CLTCL1: variants seen among roughly 807,000 people sequenced by gnomAD.
The protein encoded by CLTCL1 is clathrin heavy chain 2.
In CLTCL1, 159 loss-of-function variants were observed where a neutral mutation model predicts 190.0. That is an observed-to-expected ratio of 0.84 (90% CI 0.74 to 0.95). The LOEUF (loss-of-function observed/expected upper bound fraction) is 0.95, where lower values mean the gene tolerates loss of function less well. Ranked by LOEUF, CLTCL1 falls within the 40% of genes least tolerant of loss-of-function variation. The pLI, the probability that CLTCL1 is intolerant of heterozygous loss-of-function variation, is 0.00. For synonymous variants in CLTCL1, 752 were observed against 769.6 expected (o/e 0.98, Z 0.38); for missense variants, 1,878 against 2,033.4 (o/e 0.92, Z 1.47).
At position 19,201,406 on chromosome 22, in the gene CLTCL1, T is replaced by C; in HGVS notation, c.3688A>G (p.Thr1230Ala). Residue 1230 changes from threonine to alanine, a missense_variant, in exon 23 of 33, where the codon ACC becomes GCC. Thr to Ala is a moderately conservative substitution (Grantham distance 58). Transcript: ENST00000427926. ...NVSNFARLAS[T>A]LVHLGEYQAA... ...TGATACTCACCGAGGTGAACCAAGG[T>C]GGAAGCCAGGCGGGCAAAGTTAGAA... The C allele has an allele frequency of 1.9e-6, 3 of 1,613,846 alleles. No homozygotes were observed. The South Asian group carries it at 3.3e-5, about 18-fold the overall frequency.
chr22:19,278,036 A>G (rs1361306769), intron 1 of CLTCL1, among the ~76,000 whole-genome samples: 1 of 152,158 alleles, frequency 6.6e-6, no homozygotes, highest in Non-Finnish European at 1.5e-5. Context: ...ATTACAAAGG[A>G]TACTGATGAA....
intron 2 of CLTCL1, chr22:19,257,792 C>T: frequency 1.4e-6 from 2 of 1,427,004 alleles, no homozygotes; most frequent in Non-Finnish European, 1.9e-6. Flanking sequence ...TGAACGACCA[C>T]CTGGCCTCCT....
chr22:19,191,226 A>T (rs2084491869), intron 27 of CLTCL1, 78 bp downstream of exon 27: 14 of 1,563,818 alleles, frequency 9.0e-6, no homozygotes, highest in Non-Finnish European at 1.2e-5. Context: ...AAAACTCTTT[A>T]TAAAGGTGCT....
chr22:19,238,363 G>A (rs1601612755), intron 5 of CLTCL1: 1 of 152,242 alleles, frequency 6.6e-6, no homozygotes, highest in Non-Finnish European at 1.5e-5. Flanking sequence ...GTGCTAAGAT[G>A]ACAGGTGTGA....
At chr22:19,182,094 G>A (rs976182972) in intron 30 of CLTCL1, 4 of 152,168 alleles carry the variant, frequency 2.6e-5, no homozygotes, top group Admixed American at 6.5e-5. Flanking sequence ...ACTAACCCAC[G>A]GGCCTCTACT....
intron 29 of CLTCL1, among the ~76,000 whole-genome samples, 186 bp downstream of exon 29, chr22:19,187,372 C>T (rs1276183324): frequency 6.6e-6 from 1 of 152,120 alleles, no homozygotes; most frequent in African/African-American, 2.4e-5. Flanking sequence ...TAGCTCACTC[C>T]CAATTCTTAC....
intron 5 of CLTCL1, among the ~76,000 whole-genome samples, chr22:19,237,038 G>A (rs1277391923): frequency 6.6e-6 from 1 of 152,150 alleles, no homozygotes. Flanking sequence ...TGCAGAATTA[G>A]TCTCAAAACA....
At position 19,210,343 on chromosome 22, in the gene CLTCL1, T is replaced by C; in HGVS notation, c.3232A>G (p.Asn1078Asp). 1 of 1,613,874 alleles carries C rather than the reference T, an allele frequency of 6.2e-7. No homozygotes were observed. The highest frequency in any genetic ancestry group is 8.5e-7 in the Non-Finnish European group (1 of 1,179,784). The change falls in exon 20 of 33, where the codon AAT becomes GAT. Residue 1078 changes from asparagine (N) to aspartate (D), a missense_variant. Physicochemically the swap from Asn to Asp is conservative, Grantham distance 23. Transcript: ENST00000427926. Reference protein sequence around the residue: ...AFTVFHKFDMNASAIQVLIEH... With the variant: ...AFTVFHKFDMDASAIQVLIEH... ...CAGCCCACCTGGATTGCTGAGGCAT[T>C]CATATCAAACTTGTGGAAAACGGTG...
At chr22:19,183,988 G>A (rs1460495845) in intron 29 of CLTCL1, 5 of 334,800 alleles carry the variant, frequency 1.5e-5, no homozygotes, top group Admixed American at 1.3e-4. Flanking sequence ...CACCAGGGGA[G>A]CAGTTAGGAG....
intron 11 of CLTCL1, among the ~76,000 whole-genome samples, chr22:19,229,419 T>C (rs1555957663): frequency 6.6e-6 from 1 of 152,212 alleles, no homozygotes. Context: ...ATGGCAGTTG[T>C]CAGGGGCTGG....
chr22:19,261,985 T>C (rs2086963574), intron 2 of CLTCL1, among the ~76,000 whole-genome samples: 1 of 152,166 alleles, frequency 6.6e-6, no homozygotes, highest in Non-Finnish European at 1.5e-5. Context: ...AGTCAATCCC[T>C]GCGGAAACCT....
At chr22:19,254,471 A>G (rs1173055389) in intron 2 of CLTCL1, among the ~76,000 whole-genome samples, 1 of 152,230 alleles carries the variant, frequency 6.6e-6, no homozygotes, top group Admixed American at 6.5e-5. Flanking sequence ...CTATTCATAG[A>G]AATATGTGAA....
intron 1 of CLTCL1, among the ~76,000 whole-genome samples, chr22:19,281,212 G>A (rs951440135): frequency 5.3e-5 from 8 of 150,632 alleles, no homozygotes; most frequent in Non-Finnish European, 1.0e-4. Context: ...GGAGAATGGC[G>A]TGAACCCAGG....
intron 24 of CLTCL1, 86 bp from the exon 25 acceptor site, chr22:19,196,742 T>C (rs2084721672): frequency 4.2e-6 from 6 of 1,436,466 alleles, no homozygotes; most frequent in Non-Finnish European, 2.8e-6. Context: ...CCGCAGGGAC[T>C]GTGCTTGTGA....
intron 3 of CLTCL1, among the ~76,000 whole-genome samples, chr22:19,243,693 C>CTTTT (rs1238694667): frequency 1.4e-4 from 15 of 103,746 alleles, no homozygotes; most frequent in South Asian, 1.2e-3. Flanking sequence ...TTCTTTCTTT[C>CTTTT]TTTCTTTTTT....
At chr22:19,227,284 T>C (rs1434000132) in intron 11 of CLTCL1, among the ~76,000 whole-genome samples, 1 of 149,674 alleles carries the variant, frequency 6.7e-6, no homozygotes, top group Non-Finnish European at 1.5e-5. Flanking sequence ...AATCTTTTTT[T>C]TTTTTTTTTT....
chr22:19,209,077 T>C lies in CLTCL1; in HGVS notation c.3287A>G (p.Tyr1096Cys). The C allele has an allele frequency of 1.2e-6, 2 of 1,608,564 alleles. No homozygotes were observed. The highest frequency in any genetic ancestry group is 1.7e-6 in the Non-Finnish European group (2 of 1,177,360). The stretch of plus-strand genomic sequence containing the variant: ...CTCATTGCATCTCTCCGCAAACTCA[T>C]ATGCCCGGTCCAGGTTTCCAATGTG... ...IEHIGNLDRA[Y>C]EFAERCNEPA... The change falls in exon 21 of 33, where the codon TAT (tyrosine) becomes TGT (cysteine). Residue 1096 changes from tyrosine (Y) to cysteine (C), a missense_variant. Transcript: ENST00000427926.
chr22:19,203,658 C>G (rs1195235436), intron 22 of CLTCL1, among the ~76,000 whole-genome samples: 1 of 152,184 alleles, frequency 6.6e-6, no homozygotes, highest in Non-Finnish European at 1.5e-5. Context: ...CCCCCAGCCC[C>G]ACACCCCCAC....
chr22:19,267,339 C>A (rs1374150720), intron 2 of CLTCL1, among the ~76,000 whole-genome samples: 3 of 152,044 alleles, frequency 2.0e-5, no homozygotes, highest in Non-Finnish European at 4.4e-5. Flanking sequence ...TAAACAGAGA[C>A]ATTAAATGAC....
Sources: gnomAD v4.1 joint callset for allele counts (sites outside exome capture counted in the v4.1 genomes callset) on GRCh38, gnomAD v4.1.1 for gene constraint, MANE v1.5 for transcripts, NCBI Gene and HGNC (gene_info 2026-07-23, HGNC 2026-07-21) for gene names.